The following RREB1 variants were observed in gnomAD, a reference collection of about 807,000 sequenced individuals.
RREB1 encodes ras responsive element binding protein 1.
RREB1 carries 27 observed loss-of-function variants against 117.8 expected under a neutral mutation model. The observed-to-expected ratio is 0.23, with a 90% confidence interval of 0.17 to 0.32. RREB1 has a LOEUF of 0.32. Ranked by LOEUF, RREB1 falls within the 10% of genes least tolerant of loss-of-function variation. The probability of loss-of-function intolerance (pLI) is 1.00; values close to 1 mark genes in which losing one functional copy is unlikely to be tolerated. For synonymous variants in RREB1, 1,298 were observed against 1,026.7 expected (o/e 1.26, Z -5.05); for missense variants, 2,577 against 2,378.2 (o/e 1.08, Z -1.74).
Position 7,113,111 on chromosome 6 carries a change from G to T in RREB1, c.-285+5051G>T, listed in dbSNP as rs1035054789. Reference sequence around the variant, plus strand: ...GTGATTCAAGCCAGTAAAGCTAAGAGAATTCGAAAACCTCTGTGAAGTCCG... The same window carrying T: ...GTGATTCAAGCCAGTAAAGCTAAGATAATTCGAAAACCTCTGTGAAGTCCG... On this transcript the variant is annotated intron_variant, in intron 1 of 12. Transcript: ENST00000379938. 5.4e-5 allele frequency among the ~76,000 whole-genome samples: 8 copies of T among 148,716 alleles called. No homozygotes were observed. In the East Asian group the frequency reaches 1.2e-3, roughly 22 times the overall value.
rs999624206 is a variant in RREB1, at chr6:7,219,430, GGAGCTGGTT to G, written c.708-7035_708-7027del. Among the ~76,000 whole-genome samples the G allele has an allele frequency of 3.9e-5, 6 of 152,170 alleles. 1 individual carries two copies. Among genetic ancestry groups the G allele is most frequent in the African/African-American group, 1.4e-4 (6 of 41,432 alleles). The stretch of plus-strand genomic sequence containing the variant: ...ACTGAGTGTATTTTCTTGACCTGTT[GGAGCTGGTT>G]GGTCCCACCCCTCGCCCTATGTACC... On this transcript the variant is annotated intron_variant, in intron 8 of 12. Transcript: ENST00000379938.
At chr6:7,130,254 C>T (rs930327177) in intron 1 of RREB1, among the ~76,000 whole-genome samples, 1 of 152,234 alleles carries the variant, frequency 6.6e-6, no homozygotes, top group African/African-American at 2.4e-5. Context: ...CCTCTAAAAA[C>T]CTGCAAAGTA....
chr6:7,212,567 C>G (rs1766674694), intron 8 of RREB1: 1 of 152,128 alleles, frequency 6.6e-6, no homozygotes, highest in African/African-American at 2.4e-5. Flanking sequence ...CTTAGGAACC[C>G]CTGTTGTCGT....
At chr6:7,146,125 A>C (rs1053244425) in intron 1 of RREB1, among the ~76,000 whole-genome samples, 1 of 151,952 alleles carries the variant, frequency 6.6e-6, no homozygotes, top group African/African-American at 2.4e-5. Context: ...ATACACACAC[A>C]CACTTCAGTA....
chr6:7,114,479 GC>G (rs371182161), intron 1 of RREB1, among the ~76,000 whole-genome samples: 2 of 148,022 alleles, frequency 1.4e-5, no homozygotes, highest in Admixed American at 6.8e-5. Flanking sequence ...GGGGGGGGGG[GC>G]GGCAGCGGGG....
At chr6:7,245,931 G>T (rs1023216951) in intron 11 of RREB1, among the ~76,000 whole-genome samples, 1 of 152,206 alleles carries the variant, frequency 6.6e-6, no homozygotes, top group Non-Finnish European at 1.5e-5. Context: ...GCTTGGGGTC[G>T]TTTCCTGTGA....
At chr6:7,192,209 T>G (rs569121733) in intron 6 of RREB1, among the ~76,000 whole-genome samples, 8 of 151,340 alleles carry the variant, frequency 5.3e-5, no homozygotes, top group African/African-American at 7.3e-5. Flanking sequence ...TTTGTTTTTT[T>G]TGAGATAGAG....
intron 6 of RREB1, among the ~76,000 whole-genome samples, chr6:7,190,539 T>G (rs1448593501): frequency 2.6e-5 from 4 of 152,238 alleles, no homozygotes; most frequent in Non-Finnish European, 4.4e-5. Flanking sequence ...AGTGAATATT[T>G]TAAGAATTTA....
At chr6:7,146,469 C>T (rs753793637) in intron 1 of RREB1, among the ~76,000 whole-genome samples, 9 of 152,034 alleles carry the variant, frequency 5.9e-5, no homozygotes, top group South Asian at 2.1e-4. Context: ...CACTGCAACT[C>T]GGTGCCAGCA....
chr6:7,150,420 G>T (rs1390177802), intron 1 of RREB1, among the ~76,000 whole-genome samples: 1 of 152,086 alleles, frequency 6.6e-6, no homozygotes, highest in African/African-American at 2.4e-5. Context: ...TGTGTTTTGG[G>T]TTTTTTCTCC....
intron 1 of RREB1, among the ~76,000 whole-genome samples, chr6:7,133,558 A>T (rs145966974): frequency 0.012 from 1,818 of 152,308 alleles, 14 homozygotes; most frequent in Non-Finnish European, 0.017. Flanking sequence ...TCCATCTCTA[A>T]ATAAGTAAAT....
At chr6:7,135,130 T>G (rs1258248147) in intron 1 of RREB1, among the ~76,000 whole-genome samples, 1 of 152,244 alleles carries the variant, frequency 6.6e-6, no homozygotes, top group Non-Finnish European at 1.5e-5. Context: ...AGGTCCTGAA[T>G]GCAAGCCCAA....
chr6:7,164,042 G>A (rs1763800068), intron 1 of RREB1, among the ~76,000 whole-genome samples: 2 of 151,822 alleles, frequency 1.3e-5, no homozygotes, highest in African/African-American at 4.8e-5. Flanking sequence ...TAGGAGAGGG[G>A]CCACATAGAG....
In RREB1 at chr6:7,211,867, T is replaced by C. The variant is rs1561783650; in HGVS notation, c.707+158T>C. 5.2e-6 allele frequency: 4 copies of C among 766,802 alleles called. No homozygotes were observed. In the East Asian group the frequency reaches 8.1e-5, roughly 16 times the overall value. The allele number at this position is 766,802 out of a possible 1,614,324, so 47.5% of individuals were successfully genotyped here. On this transcript the variant is annotated intron_variant, in intron 8 of 12. Transcript: ENST00000379938. ...AGAAAGTATCGGTGTGGGGAAAAAG[T>C]TGGCTGAGAGTTGTCAGAGGGTGGC...
intron 6 of RREB1, among the ~76,000 whole-genome samples, chr6:7,191,528 C>T (rs76940819): frequency 0.02 from 3,091 of 152,074 alleles, 112 homozygotes; most frequent in African/African-American, 0.07. Flanking sequence ...ATGTTTAAGT[C>T]GAGGAATTGC....
At chr6:7,228,054 AAAAT>A (rs1366001548) in intron 9 of RREB1, among the ~76,000 whole-genome samples, 3 of 152,328 alleles carry the variant, frequency 2.0e-5, no homozygotes, top group East Asian at 3.9e-4. Context: ...CTCAGTCTCA[AAAAT>A]AAATAAATAA....
Position 7,131,957 on chromosome 6 carries a change from CCT to C in RREB1, c.-285+23898_-285+23899del, listed in dbSNP as rs1387586349. On this transcript the variant is annotated intron_variant, in intron 1 of 12. Coordinates refer to ENST00000379938, the MANE Select transcript of RREB1 (RefSeq NM_001003699.4). ...CACTGCGACCTTCACCTCCTGGGTT[CCT>C]GTGATTGTCGTGCCTCAGCCTCCCA... Among the ~76,000 whole-genome samples, 5 of 151,892 alleles carry C rather than the reference CCT, an allele frequency of 3.3e-5. No homozygotes were observed. The East Asian group carries it at 9.7e-4, about 29-fold the overall frequency.
chr6:7,243,287 C>CT (rs1290681544), intron 11 of RREB1, among the ~76,000 whole-genome samples: 1 of 152,214 alleles, frequency 6.6e-6, no homozygotes, highest in Non-Finnish European at 1.5e-5. Context: ...AGCAATAGAT[C>CT]TTTAATTGTT....
chr6:7,188,124 C>T (rs570603469), intron 5 of RREB1, among the ~76,000 whole-genome samples: 78 of 152,156 alleles, frequency 5.1e-4, no homozygotes, highest in Non-Finnish European at 9.4e-4. Context: ...CCCAAGATTG[C>T]GCCACTGCAC....
Sources: allele counts gnomAD v4.1 joint callset (sites outside exome capture counted in the v4.1 genomes callset), GRCh38; gene constraint gnomAD v4.1.1; transcripts MANE v1.5; gene names NCBI Gene and HGNC (gene_info 2026-07-23, HGNC 2026-07-21).